NCOA6: variants seen among roughly 807,000 people sequenced by gnomAD.
NCOA6 encodes the protein NRC RAP250.
In NCOA6, 49 loss-of-function variants were observed where a neutral mutation model predicts 171.4. The observed-to-expected ratio is 0.29, with a 90% CI of 0.23 to 0.36. The LOEUF is 0.36. NCOA6 is among the 10% of genes least tolerant of loss of function. The pLI is 1.00. For synonymous variants in NCOA6, 910 were observed against 927.5 expected (o/e 0.98, Z 0.34); for missense variants, 2,248 against 2,554.5 (o/e 0.88, Z 2.59).
chr20:34,772,836 A>G (rs1043267707), intron 4 of NCOA6, among the ~76,000 whole-genome samples: 1 of 152,196 alleles, frequency 6.6e-6, no homozygotes, highest in Non-Finnish European at 1.5e-5. Flanking sequence ...ACTCCCACAC[A>G]TGCAACAGCT....
intron 9 of NCOA6, among the ~76,000 whole-genome samples, chr20:34,748,336 T>C (rs974752547): frequency 2.0e-5 from 3 of 152,360 alleles, no homozygotes; most frequent in African/African-American, 7.2e-5. Flanking sequence ...GATTAGCTTT[T>C]AAAGCATAAG....
In NCOA6 at chr20:34,813,569, T is replaced by C. The variant is rs144899306; in HGVS notation, c.-164+11903A>G. Among the ~76,000 whole-genome samples, 17 of 152,192 alleles carry C rather than the reference T, an allele frequency of 1.1e-4. No homozygotes were observed. The East Asian group carries it at 2.9e-3, about 26-fold the overall frequency. ...CTGTTTTGTTAGGTGTTAATAATGG[T>C]ATTGTGTTTATGTAGAAGAATATCC... On this transcript the variant is annotated intron_variant, in intron 1 of 14. Transcript: ENST00000359003.
At chr20:34,763,901 GT>G (rs2076891043) in intron 5 of NCOA6, among the ~76,000 whole-genome samples, 1 of 151,740 alleles carries the variant, frequency 6.6e-6, no homozygotes, top group South Asian at 2.1e-4. Flanking sequence ...GCTTCTTCCT[GT>G]TGACCCAAGG....
At chr20:34,812,892 T>C (rs534574593) in intron 1 of NCOA6, among the ~76,000 whole-genome samples, 2 of 152,106 alleles carry the variant, frequency 1.3e-5, no homozygotes, top group South Asian at 2.1e-4. Flanking sequence ...CAGTGACTCA[T>C]GCCTATAATC....
intron 2 of NCOA6, among the ~76,000 whole-genome samples, chr20:34,785,065 G>C (rs1430435625): frequency 6.6e-6 from 1 of 152,034 alleles, no homozygotes; most frequent in Non-Finnish European, 1.5e-5. Context: ...TAGGGGACAA[G>C]AGCAAGACTT....
intron 14 of NCOA6, among the ~76,000 whole-genome samples, chr20:34,717,513 A>T (rs1988760960): frequency 6.6e-6 from 1 of 152,202 alleles, no homozygotes; most frequent in Non-Finnish European, 1.5e-5. Context: ...TGCCCAGTAC[A>T]GTAATTTCAT....
At chr20:34,735,129 A>AC (rs2075909227) in intron 12 of NCOA6, among the ~76,000 whole-genome samples, 1 of 152,174 alleles carries the variant, frequency 6.6e-6, no homozygotes, top group Non-Finnish European at 1.5e-5. Flanking sequence ...TCTTCAGCCA[A>AC]TTACTGTGAG....
intron 2 of NCOA6, among the ~76,000 whole-genome samples, chr20:34,791,701 C>G (rs2077891283): frequency 6.6e-6 from 1 of 152,176 alleles, no homozygotes; most frequent in Admixed American, 6.5e-5. Flanking sequence ...TAAACAATGA[C>G]TGCTTGCCAG....
At chr20:34,806,341 AT>A in intron 1 of NCOA6, among the ~76,000 whole-genome samples, 1 of 152,094 alleles carries the variant, frequency 6.6e-6, no homozygotes, top group Non-Finnish European at 1.5e-5. Context: ...GTCTGCAAAT[AT>A]TTTCTCCCAT....
chr20:34,808,855 T>G (rs531785557), intron 1 of NCOA6, among the ~76,000 whole-genome samples: 1 of 152,290 alleles, frequency 6.6e-6, no homozygotes, highest in Non-Finnish European at 1.5e-5. Context: ...GCATCAGTTG[T>G]CCAAGCTCCA....
chr20:34,765,338 G>C (rs968865610), intron 5 of NCOA6, among the ~76,000 whole-genome samples: 6 of 151,034 alleles, frequency 4.0e-5, no homozygotes, highest in African/African-American at 1.5e-4. Context: ...GGGAGGCTGA[G>C]GCAGGAGAAT....
Position 34,742,007 on chromosome 20 carries a change from CCTT to C in NCOA6, c.4246_4248del (p.Lys1416del). Reference sequence around the variant, plus strand: ...CTGTCCTGAGGCACATTCAAGCTCTCCTTGTTATCCTCAACAACACCCCCAACT... The same window carrying C: ...CTGTCCTGAGGCACATTCAAGCTCTCGTTATCCTCAACAACACCCCCAACT... On this transcript the variant is annotated inframe_deletion, in exon 11 of 15. Coordinates refer to ENST00000359003, the MANE Select transcript of NCOA6 (RefSeq NM_014071.5). The C allele has an allele frequency of 6.2e-6, 10 of 1,614,188 alleles. No homozygotes were observed. Among genetic ancestry groups the C allele is most frequent in the Non-Finnish European group, 8.5e-6 (10 of 1,180,036 alleles).
intron 11 of NCOA6, among the ~76,000 whole-genome samples, chr20:34,739,917 G>A (rs753918727): frequency 3.3e-5 from 5 of 152,142 alleles, no homozygotes; most frequent in Non-Finnish European, 7.4e-5. Context: ...AGGCTGGAGT[G>A]CAGTGGCATG....
At chr20:34,729,539 A>T (rs1390003672) in intron 13 of NCOA6, among the ~76,000 whole-genome samples, 1 of 36,132 alleles carries the variant, frequency 2.8e-5, no homozygotes, top group Non-Finnish European at 4.8e-5. Context: ...TAATGCAACA[A>T]AACAAAACAA....
intron 2 of NCOA6, among the ~76,000 whole-genome samples, chr20:34,782,615 T>C (rs568988264): frequency 7.9e-5 from 12 of 152,304 alleles, no homozygotes; most frequent in African/African-American, 2.9e-4. Flanking sequence ...AGTCTTAAAT[T>C]TAACATTCTT....
intron 3 of NCOA6, among the ~76,000 whole-genome samples, chr20:34,780,405 T>A (rs1211292478): frequency 6.6e-6 from 1 of 152,180 alleles, no homozygotes; most frequent in Non-Finnish European, 1.5e-5. Context: ...TCACTCAGGC[T>A]GGAGTGCAGT....
In NCOA6 at chr20:34,718,680, A is replaced by G. The variant is rs537958137; in HGVS notation, c.6149-3315T>C. Among the ~76,000 whole-genome samples, 32 of 152,126 alleles carry G rather than the reference A, an allele frequency of 2.1e-4. No homozygotes were observed. The South Asian group carries it at 6.6e-3, about 32-fold the overall frequency. On this transcript the variant is annotated intron_variant, in intron 14 of 14. Transcript: ENST00000359003. Reference sequence around the variant, plus strand: ...ACCACCACGCCCAGCTAATGGTTGTATTTTTAGTAGAGATGGGGTTTGGCC... The same window carrying G: ...ACCACCACGCCCAGCTAATGGTTGTGTTTTTAGTAGAGATGGGGTTTGGCC...
chr20:34,740,267 T>C, intron 11 of NCOA6, 96 bp downstream of exon 11: 1 of 1,455,154 alleles, frequency 6.9e-7, no homozygotes, highest in Non-Finnish European at 9.2e-7. Flanking sequence ...TAGCCCATTC[T>C]CTTTCCTCCA....
At chr20:34,788,749 C>G (rs1029204625) in intron 2 of NCOA6, among the ~76,000 whole-genome samples, 17 of 152,174 alleles carry the variant, frequency 1.1e-4, no homozygotes, top group Non-Finnish European at 2.1e-4. Context: ...AGTTCAAGAC[C>G]AGCCTGACCA....
Sources: allele counts gnomAD v4.1 joint callset (sites outside exome capture counted in the v4.1 genomes callset), GRCh38; gene constraint gnomAD v4.1.1; transcripts MANE v1.5; gene names NCBI Gene and HGNC (gene_info 2026-07-23, HGNC 2026-07-21).